Variants in TUB observed in about 807,000 individuals in gnomAD.
TUB encodes TUB bipartite transcription factor.
A neutral mutation model predicts 59.7 loss-of-function variants in TUB; 33 were observed. That is an observed-to-expected ratio of 0.55 (90% confidence interval 0.42 to 0.74). TUB has a LOEUF of 0.74. TUB is among the 30% of genes least tolerant of loss of function. The probability of loss-of-function intolerance (pLI) is 0.00; values close to 1 mark genes in which losing one functional copy is unlikely to be tolerated. For missense variants in TUB, 659 were observed against 672.0 expected (o/e 0.98, Z 0.21); for synonymous variants, 293 against 256.4 (o/e 1.14, Z -1.36).
chr11:8,060,976 T>A lies in TUB; in HGVS notation c.203+21284T>A, dbSNP rs559258346. Among the ~76,000 whole-genome samples the A allele has an allele frequency of 2.6e-5, 4 of 152,300 alleles. No homozygotes were observed. The South Asian group carries it at 8.3e-4, about 32-fold the overall frequency. ...CTCTGCCTAGCTGCGGGTGATTTCATCAGTGGATGCCGCTCAGTTTGCCCC... is the reference window on the plus strand; with the variant it reads ...CTCTGCCTAGCTGCGGGTGATTTCAACAGTGGATGCCGCTCAGTTTGCCCC... On this transcript the variant is annotated intron_variant, in intron 2 of 12. Coordinates refer to the TUB transcript ENST00000305253.
At chr11:8,080,027 G>C (rs1943515402), upstream of TUB, among the ~76,000 whole-genome samples, 2 of 152,350 alleles carry the variant, frequency 1.3e-5, no homozygotes, top group African/African-American at 4.8e-5. Context: ...ATGGGCAAGA[G>C]AAGGCAAGGC....
chr11:8,092,475 T>C (rs1943810633), intron 3 of TUB, among the ~76,000 whole-genome samples: 1 of 152,150 alleles, frequency 6.6e-6, no homozygotes, highest in African/African-American at 2.4e-5. Context: ...GGGCAAGCCA[T>C]TTACCCTCTC....
chr11:8,031,443 C>T (rs1236468911), intron 1 of TUB, among the ~76,000 whole-genome samples: 2 of 152,196 alleles, frequency 1.3e-5, no homozygotes, highest in African/African-American at 4.8e-5. Flanking sequence ...AGCCCCTGTG[C>T]CTAGAGCTCC....
intron 1 of TUB, among the ~76,000 whole-genome samples, chr11:8,084,524 C>T (rs1943630190): frequency 1.3e-5 from 2 of 152,182 alleles, no homozygotes; most frequent in African/African-American, 2.4e-5. Context: ...CGGCCCACGG[C>T]GTATTGGAGG....
In TUB at chr11:8,104,031, C is replaced by T. The variant is rs1488029730; in HGVS notation, c.*2412C>T. 1.3e-5 allele frequency: 2 copies of T among 152,222 alleles called. No individual in the cohort carries two copies. The highest frequency in any genetic ancestry group is 2.9e-5 in the Non-Finnish European group (2 of 68,050). The allele number at this position is 152,222 out of a possible 1,614,324, so 9.4% of individuals were successfully genotyped here. A position where few individuals can be genotyped will look rare whatever the true frequency, so the allele number is the denominator to read the frequency against. On this transcript the variant is annotated 3_prime_UTR_variant, in exon 12 of 12. Coordinates refer to ENST00000299506, the MANE Select transcript of TUB (RefSeq NM_177972.3). ...ACTCTGTCAGGCATTGAATGACAAG[C>T]ATCAGTAGCTGAGTGCACTCCTGGT... is the stretch of plus-strand genomic sequence containing the variant.
rs1267572175 is a variant in TUB at position 8,101,757 on chromosome 11, A to G, written c.*138A>G. Reference sequence around the variant, plus strand: ...TGGCCCTCAGTGGGCTCCCTGGCCCAGCCAGCCAGGAACTGGCTCCTTTGC... The same window carrying G: ...TGGCCCTCAGTGGGCTCCCTGGCCCGGCCAGCCAGGAACTGGCTCCTTTGC... On this transcript the variant is annotated 3_prime_UTR_variant, in exon 12 of 12. Transcript: ENST00000299506. 48 of 1,423,178 alleles carry G rather than the reference A, an allele frequency of 3.4e-5. 1 individual carries two copies. Among genetic ancestry groups the G allele is most frequent in the Non-Finnish European group, 4.0e-5 (43 of 1,082,888 alleles). 88.2% of individuals were successfully genotyped at this position (1,423,178 alleles called of 1,614,324 possible). A position where few individuals can be genotyped will look rare whatever the true frequency, so the allele number is the denominator to read the frequency against.
intron 1 of TUB, among the ~76,000 whole-genome samples, chr11:8,019,705 C>T (rs557133970): frequency 0.01 from 1,540 of 151,938 alleles, 26 homozygotes; most frequent in African/African-American, 0.034. Flanking sequence ...AGGGGCGGGG[C>T]AGGGGCCGGG....
At chr11:8,094,821 C>T (rs1943911867) in intron 4 of TUB, among the ~76,000 whole-genome samples, 3 of 152,214 alleles carry the variant, frequency 2.0e-5, no homozygotes, top group South Asian at 4.1e-4. Context: ...CACTGCGTCA[C>T]GGTTGGACAG....
rs545072751 is a variant in TUB at position 8,039,491 on chromosome 11, C to T, written c.156-154C>T. 152 of 599,342 alleles carry T rather than the reference C, an allele frequency of 2.5e-4. 3 individuals are homozygous for T. The South Asian group carries it at 5.2e-3, about 21-fold the overall frequency. The allele number at this position is 599,342 out of a possible 1,614,324, so 37.1% of individuals were successfully genotyped here. ...GAGTGAGCACTCTATGGAAGTCCCTCTACCCTGATCCATCACGTAACTCAC... is the reference window on the plus strand; with the variant it reads ...GAGTGAGCACTCTATGGAAGTCCCTTTACCCTGATCCATCACGTAACTCAC... On this transcript the variant is annotated intron_variant, in intron 1 of 12. Coordinates refer to the TUB transcript ENST00000305253.
chr11:8,072,391 G>A (rs1239811593), intron 2 of TUB, among the ~76,000 whole-genome samples: 1 of 152,210 alleles, frequency 6.6e-6, no homozygotes, highest in Non-Finnish European at 1.5e-5. Context: ...CATCTGCGGT[G>A]GGCGGCGGAG....
intron 2 of TUB, among the ~76,000 whole-genome samples, chr11:8,044,484 A>G (rs1477987538): frequency 1.3e-5 from 2 of 152,044 alleles, no homozygotes; most frequent in South Asian, 2.1e-4. Context: ...TTTAACATTT[A>G]TGTCTGCTAA....
At chr11:8,082,533 G>T (rs6578923) in intron 1 of TUB, among the ~76,000 whole-genome samples, 135,395 of 152,226 alleles carry the variant, frequency 0.89, 61,032 homozygotes, top group East Asian at 1. Flanking sequence ...TGTCTCTGTG[G>T]AAAATGGGTG....
In TUB at chr11:8,031,786, G is replaced by A. The variant is rs546256759; in HGVS notation, c.56+12428G>A. Among the ~76,000 whole-genome samples the A allele has an allele frequency of 4.6e-5, 7 of 152,308 alleles. No individual in the cohort carries two copies. In the South Asian group the frequency reaches 1.0e-3, roughly 23 times the overall value. ...AGGGAGGCTGGCGCAGGCCCACGGC[G>A]TGTCCTGGAACAGCTTGGGGGCCAC... is the stretch of plus-strand genomic sequence containing the variant. On this transcript the variant is annotated intron_variant, in intron 1 of 11. Transcript: ENST00000534099.
intron 2 of TUB, among the ~76,000 whole-genome samples, chr11:8,073,012 T>G (rs1166069448): frequency 6.6e-6 from 1 of 152,206 alleles, no homozygotes. Flanking sequence ...CTCTCTTTCA[T>G]GAAGCACAGA....
chr11:8,070,924 C>G (rs1943349561), intron 2 of TUB, among the ~76,000 whole-genome samples: 1 of 152,154 alleles, frequency 6.6e-6, no homozygotes, highest in Non-Finnish European at 1.5e-5. Flanking sequence ...AAAAATCACT[C>G]TCACTGCCAT....
chr11:8,083,610 A>AC (rs111467763), intron 1 of TUB, among the ~76,000 whole-genome samples: 11,686 of 148,000 alleles, frequency 0.079, 933 homozygotes, highest in African/African-American at 0.21. Flanking sequence ...TCTCCCCTCC[A>AC]CCGCCACCCC....
At chr11:8,079,503 G>A (rs1943504546), upstream of TUB, among the ~76,000 whole-genome samples, 1 of 152,134 alleles carries the variant, frequency 6.6e-6, no homozygotes, top group East Asian at 1.9e-4. Context: ...GTTTTATTTT[G>A]TCTGCTCTCT....
chr11:8,101,467 TGC>T lies in TUB; in HGVS notation c.1388-18_1388-17del. 1 of 1,614,098 alleles carries T rather than the reference TGC, an allele frequency of 6.2e-7. No individual in the cohort carries two copies. The highest frequency in any genetic ancestry group is 2.2e-5 in the East Asian group (1 of 44,878). ...CCTGTCCTGTCCTTTTCTCTGTCTGTGCCTGTGCTTGGCCCCAGCGGACTACA... is the reference window on the plus strand; with the variant it reads ...CCTGTCCTGTCCTTTTCTCTGTCTGTCTGTGCTTGGCCCCAGCGGACTACA... On this transcript the variant is annotated splice_polypyrimidine_tract_variant and intron_variant, in intron 11 of 11. Transcript: ENST00000299506.
At position 8,096,734 on chromosome 11, in the gene TUB, G is replaced by C. The variant is rs1473965045; in HGVS notation, c.615G>C (p.Glu205Asp). Reference sequence around the variant, plus strand: ...ACGAGGATGAGGAGGATGAGGAGGAGAATAGCTCCAGCTCCTCCCAGCTAA... The same window carrying C: ...ACGAGGATGAGGAGGATGAGGAGGACAATAGCTCCAGCTCCTCCCAGCTAA... ...SFDEDEEDEEENSSSSSQLNS... is the reference protein window; with the variant it reads ...SFDEDEEDEEDNSSSSSQLNS... Residue 205 changes from glutamate to aspartate, a missense_variant, in exon 6 of 12, where the codon GAG (glutamate) becomes GAC (aspartate). This residue lies in a region of TUB where 321 missense variants were observed against 304.3 expected (regional missense o/e 1.05). Coordinates refer to ENST00000299506, the MANE Select transcript of TUB (RefSeq NM_177972.3). 7 of 1,614,082 alleles carry C rather than the reference G, an allele frequency of 4.3e-6. No homozygotes were observed. The highest frequency in any genetic ancestry group is 5.9e-6 in the Non-Finnish European group (7 of 1,179,974).
Sources: allele counts gnomAD v4.1 joint callset (sites outside exome capture counted in the v4.1 genomes callset), GRCh38; gene constraint gnomAD v4.1.1; regional missense constraint gnomAD v4.1.1; transcripts MANE v1.5; gene names NCBI Gene and HGNC (gene_info 2026-07-23, HGNC 2026-07-21).